Variants in PPP2R2B observed in about 807,000 individuals in gnomAD.
The protein encoded by PPP2R2B is protein phosphatase 2 regulatory subunit Bbeta, also known as serine/threonine-protein phosphatase 2A 55 kDa regulatory subunit B beta isoform.
In PPP2R2B, 5 loss-of-function variants were observed where a neutral mutation model predicts 46.0. The ratio of observed to expected loss-of-function variants is 0.11; its 90% CI spans 0.06 to 0.23. PPP2R2B has a LOEUF of 0.23. Among genes scored for constraint, PPP2R2B ranks in the 10% least tolerant of loss-of-function variants. The pLI is 1.00. For synonymous variants in PPP2R2B, 215 were observed against 206.7 expected (o/e 1.04, Z -0.34); for missense variants, 367 against 575.0 (o/e 0.64, Z 3.70).
chr5:146,701,672 G>A (rs1779547753), intron 2 of PPP2R2B, among the ~76,000 whole-genome samples: 2 of 152,192 alleles, frequency 1.3e-5, no homozygotes, highest in Non-Finnish European at 2.9e-5. Context: ...AGGAACTGAC[G>A]AATGCTCCAG....
intron 5 of PPP2R2B, among the ~76,000 whole-genome samples, chr5:146,672,654 T>C (rs1202136341): frequency 6.6e-6 from 1 of 152,140 alleles, no homozygotes; most frequent in Non-Finnish European, 1.5e-5. Flanking sequence ...ATGGACACCA[T>C]AGTTTGGTTC....
chr5:146,606,985 C>A (rs1335756539), intron 7 of PPP2R2B: 1 of 152,148 alleles, frequency 6.6e-6, no homozygotes, highest in South Asian at 2.1e-4. Flanking sequence ...ACGGCTGGCA[C>A]GTTCTTCCGT....
At chr5:146,650,765 C>A (rs1421270106) in intron 5 of PPP2R2B, 41 bp from the exon 6 acceptor site, 2 of 1,573,956 alleles carry the variant, frequency 1.3e-6, no homozygotes, top group African/African-American at 1.4e-5. Context: ...AACCAAAGAT[C>A]TTCCATAGGA....
chr5:147,001,056 G>A (rs992264614), intron 1 of PPP2R2B, among the ~76,000 whole-genome samples: 4 of 152,106 alleles, frequency 2.6e-5, no homozygotes, highest in South Asian at 4.1e-4. Context: ...TTTCTGTCTG[G>A]CTAAAGGTTT....
At chr5:147,078,510 A>G (rs890495149) in intron 2 of PPP2R2B, among the ~76,000 whole-genome samples, 1 of 152,094 alleles carries the variant, frequency 6.6e-6, no homozygotes, top group Admixed American at 6.6e-5. Flanking sequence ...TGTATTGGCC[A>G]GGCGCGGTGG....
intron 1 of PPP2R2B, among the ~76,000 whole-genome samples, chr5:146,989,648 A>G (rs1755007096): frequency 6.6e-6 from 1 of 152,142 alleles, no homozygotes; most frequent in African/African-American, 2.4e-5. Context: ...ATTATATGGA[A>G]TAGGCAAAAG....
At chr5:146,939,611 A>G (rs1282724377) in intron 1 of PPP2R2B, among the ~76,000 whole-genome samples, 1 of 152,236 alleles carries the variant, frequency 6.6e-6, no homozygotes, top group Non-Finnish European at 1.5e-5. Flanking sequence ...AACACTGACT[A>G]TATCTATTTA....
At chr5:146,807,602 T>G (rs1212004054) in intron 2 of PPP2R2B, among the ~76,000 whole-genome samples, 1 of 152,078 alleles carries the variant, frequency 6.6e-6, no homozygotes, top group Non-Finnish European at 1.5e-5. Flanking sequence ...TCTATTGTTA[T>G]GTTCATTTCA....
At chr5:146,593,885 G>C (rs1364207332) in intron 8 of PPP2R2B, among the ~76,000 whole-genome samples, 1 of 152,194 alleles carries the variant, frequency 6.6e-6, no homozygotes, top group South Asian at 2.1e-4. Context: ...GGATCCTAAG[G>C]GTGCAAAGGC....
intron 1 of PPP2R2B, among the ~76,000 whole-genome samples, chr5:146,963,324 A>T (rs1266082581): frequency 6.6e-6 from 1 of 152,182 alleles, no homozygotes; most frequent in African/African-American, 2.4e-5. Flanking sequence ...ATTCCTCCCA[A>T]ACATTTTTAT....
At chr5:146,807,529 G>C (rs1438903561) in intron 2 of PPP2R2B, among the ~76,000 whole-genome samples, 1 of 152,078 alleles carries the variant, frequency 6.6e-6, no homozygotes, top group Non-Finnish European at 1.5e-5. Flanking sequence ...CTTATGCCAG[G>C]CACAGTATTA....
chr5:146,719,278 G>A (rs1780657670), intron 2 of PPP2R2B, among the ~76,000 whole-genome samples: 1 of 152,190 alleles, frequency 6.6e-6, no homozygotes, highest in South Asian at 2.1e-4. Flanking sequence ...ATAAATTTAT[G>A]CAAAGCACTT....
At chr5:146,788,824 ACT>A (rs373058227) in intron 2 of PPP2R2B, among the ~76,000 whole-genome samples, 7 of 151,906 alleles carry the variant, frequency 4.6e-5, no homozygotes, top group African/African-American at 1.7e-4. Flanking sequence ...CAGAAACAAA[ACT>A]CTCTGCCTTG....
At chr5:146,647,310 C>T (rs1278519002) in intron 6 of PPP2R2B, among the ~76,000 whole-genome samples, 1 of 83,776 alleles carries the variant, frequency 1.2e-5, no homozygotes, top group African/African-American at 3.9e-5. Flanking sequence ...AACCATGTTT[C>T]TTCTGTCTCC....
chr5:146,960,393 G>T (rs1052290823), intron 1 of PPP2R2B, among the ~76,000 whole-genome samples: 3 of 152,048 alleles, frequency 2.0e-5, no homozygotes, highest in East Asian at 3.9e-4. Context: ...GGATTCAAGC[G>T]ATTCTCCCAC....
intron 5 of PPP2R2B, among the ~76,000 whole-genome samples, chr5:146,669,432 A>G (rs982723038): frequency 6.6e-6 from 1 of 152,228 alleles, no homozygotes; most frequent in African/African-American, 2.4e-5. Context: ...TATATTTTTC[A>G]CAAATGGCCC....
chr5:146,620,830 A>G (rs1008144502), intron 7 of PPP2R2B, among the ~76,000 whole-genome samples: 2 of 151,936 alleles, frequency 1.3e-5, no homozygotes, highest in Non-Finnish European at 2.9e-5. Flanking sequence ...AGAAGCCCGA[A>G]CTCCCTGGGG....
chr5:146,930,982 G>A (rs754293909), intron 1 of PPP2R2B, among the ~76,000 whole-genome samples: 4 of 152,054 alleles, frequency 2.6e-5, no homozygotes, highest in East Asian at 1.9e-4. Context: ...ATCCCCTCAC[G>A]TGTCCAGTGA....
chr5:147,081,346 C>T, exon 1 of PPP2R2B: 1 of 1,507,070 alleles, frequency 6.6e-7, no homozygotes, highest in Non-Finnish European at 8.9e-7. Context: ...AATCACTGCT[C>T]TGTCTCCTCC....
Sources: allele counts gnomAD v4.1 joint callset (sites outside exome capture counted in the v4.1 genomes callset), GRCh38; gene constraint gnomAD v4.1.1; transcripts MANE v1.5; gene names NCBI Gene and HGNC (gene_info 2026-07-23, HGNC 2026-07-21).